Variants in DIAPH2 observed in about 807,000 individuals in gnomAD.
DIAPH2 encodes the protein diaphanous related formin 2, also known as protein diaphanous homolog 2.
A neutral mutation model predicts 92.7 loss-of-function variants in DIAPH2; 35 were observed. The observed-to-expected ratio is 0.38, with a 90% confidence interval of 0.29 to 0.50. DIAPH2 has a LOEUF of 0.50. Among genes scored for constraint, DIAPH2 ranks in the 20% least tolerant of loss-of-function variants. The probability of loss-of-function intolerance (pLI) is 0.94; values close to 1 mark genes in which losing one functional copy is unlikely to be tolerated. For missense variants in DIAPH2, 701 were observed against 819.5 expected, an observed-to-expected ratio of 0.86 and a Z score of 1.77; for synonymous variants, 301 against 280.4, an observed-to-expected ratio of 1.07 and a Z score of -0.73.
At chrX:96,766,857 A>G (rs954109865) in intron 4 of DIAPH2, among the ~76,000 whole-genome samples, 3 of 112,283 alleles carry the variant, frequency 2.7e-5, no homozygotes, top group Non-Finnish European at 5.6e-5. Flanking sequence ...ATCAGTCTTT[A>G]CTTTTCACTA....
intron 21 of DIAPH2, among the ~76,000 whole-genome samples, chrX:97,120,598 T>C (rs182059719): frequency 9.5e-6 from 1 of 105,666 alleles, no homozygotes; most frequent in African/African-American, 3.5e-5. Flanking sequence ...TAAAACATTA[T>C]GAGAGTTTTT....
chrX:97,285,383 C>CAAAAAAAAAAAAAAAAAAAA (rs11336007), intron 23 of DIAPH2, among the ~76,000 whole-genome samples: 1 of 38,121 alleles, frequency 2.6e-5, no homozygotes, highest in Non-Finnish European at 4.2e-5. Flanking sequence ...ACTAAAAATA[C>CAAAAAAAAAAAAAAAAAAAA]AAAAAAAAAA....
chrX:97,007,844 G>A (rs1376567166), intron 17 of DIAPH2, among the ~76,000 whole-genome samples: 1 of 97,753 alleles, frequency 1.0e-5, no homozygotes, highest in African/African-American at 3.8e-5. Flanking sequence ...CTTGCTGCAA[G>A]CTCCGCCTCC....
At chrX:97,007,011 T>C (rs1208169809) in intron 17 of DIAPH2, among the ~76,000 whole-genome samples, 1 of 112,029 alleles carries the variant, frequency 8.9e-6, no homozygotes, top group African/African-American at 3.2e-5. Context: ...GAACTGATGC[T>C]AACTAAACAC....
intron 22 of DIAPH2, among the ~76,000 whole-genome samples, chrX:97,170,333 G>A (rs1471285422): frequency 8.9e-6 from 1 of 112,096 alleles, no homozygotes; most frequent in African/African-American, 3.2e-5. Flanking sequence ...AGTTCTAGAA[G>A]ATGAAAAGGA....
intron 3 of DIAPH2, among the ~76,000 whole-genome samples, chrX:96,751,166 T>C (rs950082146): frequency 8.9e-6 from 1 of 112,000 alleles, no homozygotes; most frequent in African/African-American, 3.2e-5. Context: ...GGCTTCTCAG[T>C]AATAGCTTTA....
At chrX:97,197,480 T>A (rs758840347) in intron 22 of DIAPH2, among the ~76,000 whole-genome samples, 1 of 112,463 alleles carries the variant, frequency 8.9e-6, no homozygotes, top group Admixed American at 9.4e-5. Context: ...AAACACTGTG[T>A]GATTCTTCAT....
chrX:96,713,046 GTATGTGCACAGATGTGCACATACACACT>G (rs769102945), intron 1 of DIAPH2, among the ~76,000 whole-genome samples: 98 of 111,026 alleles, frequency 8.8e-4, no homozygotes, highest in South Asian at 3.0e-3. Context: ...GTGGTATGGT[GTATGTGCACAGATGTGCACATACACACT>G]TATGTGCACA....
intron 26 of DIAPH2, among the ~76,000 whole-genome samples, chrX:97,478,586 A>T (rs945052877): frequency 3.6e-5 from 4 of 112,085 alleles, no homozygotes; most frequent in African/African-American, 1.3e-4. Flanking sequence ...AACATAGTTA[A>T]TTGTTCGCTG....
In DIAPH2 at chrX:96,937,366, A is replaced by G. The variant is rs201650563; in HGVS notation, c.1208+15A>G. ...GCAGAAATGGAATATCCTTTGACAAACCACAAAACAATTTTGTTTGCATTG... is the reference window on the plus strand; with the variant it reads ...GCAGAAATGGAATATCCTTTGACAAGCCACAAAACAATTTTGTTTGCATTG... On this transcript the variant is annotated intron_variant, in intron 11 of 26. Coordinates refer to ENST00000324765, the MANE Select transcript of DIAPH2 (RefSeq NM_006729.5). 1.8e-5 allele frequency: 18 copies of G among 1,012,685 alleles called. No individual in the cohort carries two copies. In the East Asian group the frequency reaches 5.4e-4, roughly 31 times the overall value. The allele number at this position is 1,012,685 out of a possible 1,213,427, so 83.5% of individuals were successfully genotyped here. A position where few individuals can be genotyped will look rare whatever the true frequency, so the allele number is the denominator to read the frequency against.
At chrX:96,874,151 A>T (rs2065163140) in intron 4 of DIAPH2, among the ~76,000 whole-genome samples, 1 of 111,581 alleles carries the variant, frequency 9.0e-6, no homozygotes, top group Non-Finnish European at 1.9e-5. Flanking sequence ...AGTTGAAAGA[A>T]GTACTAGATT....
intron 26 of DIAPH2, among the ~76,000 whole-genome samples, chrX:97,550,512 G>A (rs913395120): frequency 8.1e-5 from 9 of 111,630 alleles, no homozygotes; most frequent in African/African-American, 2.6e-4. Context: ...TACATGTCGG[G>A]TATGTTTCTT....
intron 2 of DIAPH2, 98 bp from the exon 3 acceptor site, chrX:96,738,488 T>A: frequency 1.7e-6 from 1 of 593,765 alleles, no homozygotes; most frequent in Non-Finnish European, 2.5e-6. Context: ...AATAATGATA[T>A]GTATTATACT....
intron 4 of DIAPH2, among the ~76,000 whole-genome samples, chrX:96,833,444 T>C (rs2064868315): frequency 9.0e-6 from 1 of 111,463 alleles, no homozygotes; most frequent in South Asian, 3.7e-4. Flanking sequence ...TTTATTCCTT[T>C]CCTCAGCCTT....
At chrX:97,295,788 A>G (rs1464193214) in intron 23 of DIAPH2, among the ~76,000 whole-genome samples, 2 of 107,193 alleles carry the variant, frequency 1.9e-5, no homozygotes, top group African/African-American at 6.8e-5. Flanking sequence ...CTGGAGTGCA[A>G]TGGCCTAATC....
intron 22 of DIAPH2, among the ~76,000 whole-genome samples, chrX:97,161,209 G>T (rs1186160969): frequency 9.1e-6 from 1 of 109,321 alleles, no homozygotes; most frequent in East Asian, 2.8e-4. Flanking sequence ...GTGATTTTAG[G>T]GAAGGTACAT....
chrX:97,323,388 G>C (rs1325637286), intron 23 of DIAPH2, among the ~76,000 whole-genome samples: 8 of 97,720 alleles, frequency 8.2e-5, no homozygotes, highest in Non-Finnish European at 1.4e-4. Context: ...TCAGGAGATC[G>C]AGACCATCCT....
Position 96,890,489 on chromosome X carries a change from C to T in DIAPH2, c.587+8771C>T, listed in dbSNP as rs1602601686. On this transcript the variant is annotated intron_variant, in intron 5 of 26. Coordinates refer to ENST00000324765, the MANE Select transcript of DIAPH2 (RefSeq NM_006729.5). ...CCTTTAAATACGGATGAAAGCAGTT[C>T]CTAAAACTCTGTTGCATAACTGTTT... 3.6e-5 allele frequency among the ~76,000 whole-genome samples: 4 copies of T among 111,546 alleles called. No individual in the cohort carries two copies. In the Admixed American group the frequency reaches 3.8e-4, roughly 11 times the overall value.
chrX:97,473,421 G>A (rs928727047), intron 26 of DIAPH2, among the ~76,000 whole-genome samples: 7 of 111,082 alleles, frequency 6.3e-5, no homozygotes, highest in Admixed American at 1.9e-4. Flanking sequence ...TGCAACCTCC[G>A]CCCCCTGGAC....
Sources: gnomAD v4.1 joint callset for allele counts (sites outside exome capture counted in the v4.1 genomes callset) on GRCh38, gnomAD v4.1.1 for gene constraint, MANE v1.5 for transcripts, NCBI Gene and HGNC (gene_info 2026-07-23, HGNC 2026-07-21) for gene names.